The following SHISA9 variants were observed in gnomAD, a reference collection of about 807,000 sequenced individuals.
SHISA9 encodes shisa family member 9, also known as protein shisa-9.
SHISA9 carries 13 observed loss-of-function variants against 38.0 expected under a neutral mutation model. The observed-to-expected ratio is 0.34, with a 90% CI of 0.22 to 0.54. The LOEUF is 0.54. Ranked by LOEUF, SHISA9 falls within the 20% of genes least tolerant of loss-of-function variation. The probability of loss-of-function intolerance (pLI) is 0.91; values close to 1 mark genes in which losing one functional copy is unlikely to be tolerated. For missense variants in SHISA9, 538 were observed against 575.8 expected (o/e 0.93, Z 0.67); for synonymous variants, 275 against 242.0 (o/e 1.14, Z -1.27).
intron 4 of SHISA9, among the ~76,000 whole-genome samples, chr16:13,229,969 C>A (rs1406274280): frequency 6.6e-6 from 1 of 152,164 alleles, no homozygotes; most frequent in Non-Finnish European, 1.5e-5. Flanking sequence ...AGCTCCCCTT[C>A]ATAGCACTTA....
At chr16:12,909,493 T>C in intron 1 of SHISA9, 6 of 985,454 alleles carry the variant, frequency 6.1e-6, no homozygotes, top group Non-Finnish European at 7.2e-6. Flanking sequence ...TTTGGAAATA[T>C]TGGTGTCATA....
intron 2 of SHISA9, among the ~76,000 whole-genome samples, chr16:13,004,847 G>A (rs1217625954): frequency 6.6e-6 from 1 of 151,262 alleles, no homozygotes; most frequent in African/African-American, 2.4e-5. Context: ...CAGGAGAATC[G>A]CTTGAATGCG....
intron 2 of SHISA9, among the ~76,000 whole-genome samples, chr16:13,029,565 GCCA>G (rs1208977994): frequency 2.0e-5 from 3 of 152,210 alleles, no homozygotes; most frequent in African/African-American, 7.2e-5. Flanking sequence ...CCGAGATTGT[GCCA>G]CTGCACTCCA....
At chr16:13,450,005 T>G in the SHISA9 span, among the ~76,000 whole-genome samples, 1 of 152,094 alleles carries the variant, frequency 6.6e-6, no homozygotes, top group Non-Finnish European at 1.5e-5. Flanking sequence ...TAGTCCCAGC[T>G]ACTCGGGAGG....
intron 2 of SHISA9, among the ~76,000 whole-genome samples, chr16:13,060,207 T>C (rs1274712301): frequency 6.6e-6 from 1 of 152,148 alleles, no homozygotes; most frequent in Non-Finnish European, 1.5e-5. Flanking sequence ...TTATTGAAGC[T>C]GGAGGGACAG....
At chr16:13,508,813 A>T in the SHISA9 span, among the ~76,000 whole-genome samples, 1 of 152,164 alleles carries the variant, frequency 6.6e-6, no homozygotes, top group Non-Finnish European at 1.5e-5. Context: ...CAGGTTGCTA[A>T]TATTACTCCA....
chr16:13,048,066 A>T (rs569901211), intron 2 of SHISA9, among the ~76,000 whole-genome samples: 35 of 152,310 alleles, frequency 2.3e-4, no homozygotes, highest in African/African-American at 8.2e-4. Context: ...CTTCTGAAGG[A>T]TATTATTCTG....
At chr16:13,186,695 G>A (rs1362238880) in intron 2 of SHISA9, among the ~76,000 whole-genome samples, 1 of 152,100 alleles carries the variant, frequency 6.6e-6, no homozygotes, top group African/African-American at 2.4e-5. Flanking sequence ...TTCCCAAAAT[G>A]AAACTCTGCA....
At chr16:13,320,292 C>CAAAAAAAAAAAAAA in the SHISA9 span, among the ~76,000 whole-genome samples, 1 of 38,978 alleles carries the variant, frequency 2.6e-5, no homozygotes, top group African/African-American at 5.9e-5. Context: ...GACTCTGTCT[C>CAAAAAAAAAAAAAA]AAAAAAAAAA....
chr16:13,370,310 A>G, the SHISA9 span, among the ~76,000 whole-genome samples: 1 of 152,190 alleles, frequency 6.6e-6, no homozygotes, highest in East Asian at 1.9e-4. Context: ...ATGTAGAGTC[A>G]ATGGCCCTTA....
chr16:13,550,924 C>T, the SHISA9 span, among the ~76,000 whole-genome samples: 1 of 152,100 alleles, frequency 6.6e-6, no homozygotes, highest in Non-Finnish European at 1.5e-5. Context: ...GCGTTCGAGA[C>T]CAGCCTGGCC....
chr16:13,359,015 C>G, the SHISA9 span, among the ~76,000 whole-genome samples: 1 of 152,232 alleles, frequency 6.6e-6, no homozygotes, highest in East Asian at 1.9e-4. Context: ...TTTAATAGCT[C>G]TGTATTCCTG....
the SHISA9 span, among the ~76,000 whole-genome samples, chr16:13,295,062 G>A: frequency 2.0e-5 from 3 of 152,080 alleles, no homozygotes; most frequent in Non-Finnish European, 4.4e-5. Context: ...TTGGTACCTT[G>A]TCCGCAATCA....
At position 13,161,269 on chromosome 16, in the gene SHISA9, G is replaced by A. The variant is rs188257668; in HGVS notation, c.692-42125G>A. Among the ~76,000 whole-genome samples, 207 of 152,216 alleles carry A rather than the reference G, an allele frequency of 1.4e-3. 1 individual carries two copies. The highest frequency in any genetic ancestry group is 4.8e-3 in the African/African-American group (198 of 41,544). ...GGTGAGCCCTTTGCTACATTGATGGGTCGCTCTGTGGTGTCACTCAGGATA... is the reference window on the plus strand; with the variant it reads ...GGTGAGCCCTTTGCTACATTGATGGATCGCTCTGTGGTGTCACTCAGGATA... On this transcript the variant is annotated intron_variant, in intron 2 of 4. Coordinates refer to ENST00000558583, the MANE Select transcript of SHISA9 (RefSeq NM_001145204.3).
At chr16:13,243,259 A>T (rs1256792170), downstream of SHISA9, among the ~76,000 whole-genome samples, 1 of 150,140 alleles carries the variant, frequency 6.7e-6, no homozygotes, top group Non-Finnish European at 1.5e-5. Context: ...AAAAAGAAAG[A>T]AAGTTTATTT....
intron 2 of SHISA9, among the ~76,000 whole-genome samples, chr16:13,192,436 G>A (rs1000419848): frequency 6.6e-6 from 1 of 152,072 alleles, no homozygotes; most frequent in African/African-American, 2.4e-5. Context: ...AGTGGTATAA[G>A]AGCTGGGAAT....
intron 1 of SHISA9, chr16:12,908,803 T>C (rs1351858460): frequency 2.2e-6 from 3 of 1,355,832 alleles, no homozygotes; most frequent in South Asian, 3.2e-5. Context: ...AGAAATGACC[T>C]TGGGGACAGA....
chr16:13,456,394 C>T, the SHISA9 span, among the ~76,000 whole-genome samples: 1 of 152,150 alleles, frequency 6.6e-6, no homozygotes, highest in Non-Finnish European at 1.5e-5. Flanking sequence ...GTTTTTTCCT[C>T]CACCATTTAT....
chr16:13,324,391 C>A, the SHISA9 span, among the ~76,000 whole-genome samples: 1 of 151,988 alleles, frequency 6.6e-6, no homozygotes, highest in African/African-American at 2.4e-5. Flanking sequence ...AGGATCCTGG[C>A]CCAGTTTCTA....
Sources: allele counts gnomAD v4.1 joint callset (sites outside exome capture counted in the v4.1 genomes callset), GRCh38; gene constraint gnomAD v4.1.1; transcripts MANE v1.5; gene names NCBI Gene and HGNC (gene_info 2026-07-23, HGNC 2026-07-21).